The following ALCAM variants were observed in gnomAD, a reference collection of about 807,000 sequenced individuals.
ALCAM encodes activated leukocyte cell adhesion molecule, also known as CD166 antigen.
In ALCAM, 30 loss-of-function variants were observed where a neutral mutation model predicts 70.9. That is an observed-to-expected ratio of 0.42 (90% CI 0.32 to 0.57). The LOEUF is 0.57. Ranked by LOEUF, ALCAM falls within the 20% of genes least tolerant of loss-of-function variation. The probability of loss-of-function intolerance (pLI) is 0.11; values close to 1 mark genes in which losing one functional copy is unlikely to be tolerated. For synonymous variants in ALCAM, 249 were observed against 242.5 expected (o/e 1.03, Z -0.25); for missense variants, 591 against 695.1 (o/e 0.85, Z 1.68).
chr3:105,394,468 A>G (rs1429862490), intron 1 of ALCAM, among the ~76,000 whole-genome samples: 1 of 151,994 alleles, frequency 6.6e-6, no homozygotes, highest in Non-Finnish European at 1.5e-5. Flanking sequence ...CAACAGGCCC[A>G]TAGAAATGTC....
chr3:105,442,228 C>T lies in ALCAM; in HGVS notation c.73+74747C>T, dbSNP rs1167716895. 3.9e-5 allele frequency among the ~76,000 whole-genome samples: 6 copies of T among 152,070 alleles called. No homozygotes were observed. In the South Asian group the frequency reaches 8.3e-4, roughly 21 times the overall value. The stretch of plus-strand genomic sequence containing the variant: ...GCCTTTATACTTCTTTTTTCTCCCT[C>T]AGGTTTGAGGTATCAGGACACATTT... On this transcript the variant is annotated intron_variant, in intron 1 of 15. Coordinates refer to ENST00000306107, the MANE Select transcript of ALCAM (RefSeq NM_001627.4).
Position 105,392,111 on chromosome 3 carries a change from C to T in ALCAM, c.73+24630C>T, listed in dbSNP as rs542944631. Among the ~76,000 whole-genome samples the T allele has an allele frequency of 1.2e-3, 186 of 151,822 alleles. 5 individuals are homozygous for T. The highest frequency in any genetic ancestry group is 4.3e-3 in the African/African-American group (180 of 41,462). On this transcript the variant is annotated intron_variant, in intron 1 of 15. Transcript: ENST00000306107. Reference sequence around the variant, plus strand: ...AAATGAGTTAGGAAGAAGTCCCTGTCTTTCAGTTTTTGGAATAGTTTCAGA... The same window carrying T: ...AAATGAGTTAGGAAGAAGTCCCTGTTTTTCAGTTTTTGGAATAGTTTCAGA...
chr3:105,437,137 A>G (rs1217202545), intron 1 of ALCAM, among the ~76,000 whole-genome samples: 1 of 152,208 alleles, frequency 6.6e-6, no homozygotes, highest in African/African-American at 2.4e-5. Flanking sequence ...AAAACACTTC[A>G]TCATGTGGGA....
chr3:105,489,765 C>CATA (rs1938532047), intron 1 of ALCAM, among the ~76,000 whole-genome samples: 2 of 152,150 alleles, frequency 1.3e-5, no homozygotes, highest in Admixed American at 1.3e-4. Flanking sequence ...TGCCTTTAGG[C>CATA]ATAATTCAAT....
chr3:105,547,353 C>T (rs199603256), intron 10 of ALCAM, 37 bp from the exon 11 acceptor site: 4 of 1,582,248 alleles, frequency 2.5e-6, no homozygotes, highest in Non-Finnish European at 3.4e-6. Flanking sequence ...CTTTTATGAT[C>T]TCAGTTCAAC....
intron 14 of ALCAM, among the ~76,000 whole-genome samples, chr3:105,556,817 T>C (rs1178570898): frequency 6.6e-6 from 1 of 152,046 alleles, no homozygotes; most frequent in African/African-American, 2.4e-5. Flanking sequence ...ACTGAATAAA[T>C]TGAAAAGATA....
chr3:105,536,040 G>GTA (rs1939959923), intron 6 of ALCAM, among the ~76,000 whole-genome samples: 1 of 151,260 alleles, frequency 6.6e-6, no homozygotes, highest in Admixed American at 6.6e-5. Flanking sequence ...ATTTCATTAT[G>GTA]TATAGCTTAT....
chr3:105,481,187 T>G (rs563894101), intron 1 of ALCAM, among the ~76,000 whole-genome samples: 3 of 152,280 alleles, frequency 2.0e-5, no homozygotes, highest in Admixed American at 2.0e-4. Flanking sequence ...GGGGTCAGAT[T>G]GCTTAATGGG....
intron 1 of ALCAM, among the ~76,000 whole-genome samples, chr3:105,490,820 T>C (rs1938562022): frequency 6.6e-6 from 1 of 152,172 alleles, no homozygotes; most frequent in Non-Finnish European, 1.5e-5. Context: ...ACTGCTTTCA[T>C]GGGCTGGCAT....
intron 1 of ALCAM, among the ~76,000 whole-genome samples, chr3:105,391,196 A>G (rs1935808323): frequency 1.3e-5 from 2 of 152,168 alleles, no homozygotes; most frequent in Admixed American, 6.5e-5. Flanking sequence ...CGGTATGGCC[A>G]TTTTCACTAT....
At chr3:105,418,563 T>A (rs929673406) in intron 1 of ALCAM, among the ~76,000 whole-genome samples, 1 of 151,706 alleles carries the variant, frequency 6.6e-6, no homozygotes, top group African/African-American at 2.4e-5. Flanking sequence ...TGTTCTAAAA[T>A]GGAGGATTGT....
At chr3:105,401,175 A>G (rs751554665) in intron 1 of ALCAM, among the ~76,000 whole-genome samples, 1 of 152,242 alleles carries the variant, frequency 6.6e-6, no homozygotes, top group Non-Finnish European at 1.5e-5. Context: ...TGATTCCACA[A>G]GGAACACCCA....
At chr3:105,532,294 T>C (rs910699622) in intron 4 of ALCAM, among the ~76,000 whole-genome samples, 1 of 152,144 alleles carries the variant, frequency 6.6e-6, no homozygotes, top group Non-Finnish European at 1.5e-5. Flanking sequence ...AAGAGGAGTC[T>C]TTCTCATTTG....
intron 1 of ALCAM, among the ~76,000 whole-genome samples, chr3:105,447,062 G>T (rs1332502223): frequency 6.6e-6 from 1 of 152,076 alleles, no homozygotes; most frequent in African/African-American, 2.4e-5. Flanking sequence ...TATGCTAAAT[G>T]CCCTGATCTG....
rs1344879200 is a variant in ALCAM, at chr3:105,433,198, A to C, written c.73+65717A>C. Reference sequence around the variant, plus strand: ...CTGCTATTGCCAGATGCTTTTCACCATTCTAGGTGCCCAAATCCTGAAGCC... The same window carrying C: ...CTGCTATTGCCAGATGCTTTTCACCCTTCTAGGTGCCCAAATCCTGAAGCC... On this transcript the variant is annotated intron_variant, in intron 1 of 15. Transcript: ENST00000306107. 2.0e-5 allele frequency among the ~76,000 whole-genome samples: 3 copies of C among 152,118 alleles called. No individual in the cohort carries two copies. The East Asian group carries it at 5.8e-4, about 29-fold the overall frequency.
At chr3:105,451,679 T>C (rs573846519) in intron 1 of ALCAM, among the ~76,000 whole-genome samples, 2 of 152,348 alleles carry the variant, frequency 1.3e-5, no homozygotes, top group African/African-American at 4.8e-5. Context: ...GAAAACTTTA[T>C]TTACTGAATA....
intron 1 of ALCAM, among the ~76,000 whole-genome samples, chr3:105,452,412 T>C (rs1286847843): frequency 2.0e-5 from 3 of 152,232 alleles, no homozygotes; most frequent in Non-Finnish European, 2.9e-5. Context: ...CTCATTCCTT[T>C]TTATGGCTGG....
At chr3:105,379,601 A>G (rs1935465321) in intron 1 of ALCAM, among the ~76,000 whole-genome samples, 1 of 151,790 alleles carries the variant, frequency 6.6e-6, no homozygotes, top group Non-Finnish European at 1.5e-5. Flanking sequence ...TTAGAAAGAA[A>G]AATTTCCGAT....
Position 105,524,432 on chromosome 3 carries a change from T to C in ALCAM, c.318T>C (p.Ser106=), listed in dbSNP as rs771945333. The change falls in exon 3 of 16, where the codon AGT becomes AGC. Residue 106 remains serine, a synonymous_variant. Transcript: ENST00000306107. ...YTLSISNARI[S]DEKRFVCMLV... is the part of the protein sequence containing the mutation. ...TGTCTATCAGTAATGCAAGGATCAGTGATGAAAAGAGATTTGTGTGCATGC... is the reference window on the plus strand; with the variant it reads ...TGTCTATCAGTAATGCAAGGATCAGCGATGAAAAGAGATTTGTGTGCATGC... 1 of 1,614,042 alleles carries C rather than the reference T, an allele frequency of 6.2e-7. No individual in the cohort carries two copies. Among genetic ancestry groups the C allele is most frequent in the Non-Finnish European group, 8.5e-7 (1 of 1,179,994 alleles).
Sources: gnomAD v4.1 joint callset for allele counts (sites outside exome capture counted in the v4.1 genomes callset) on GRCh38, gnomAD v4.1.1 for gene constraint, MANE v1.5 for transcripts, NCBI Gene and HGNC (gene_info 2026-07-23, HGNC 2026-07-21) for gene names.